Variants in FBXL7 observed in about 807,000 individuals in gnomAD.
FBXL7 encodes the protein F-box/LRR-repeat protein 7.
Under a neutral mutation model 38.3 loss-of-function variants are expected in FBXL7, and 12 were observed. That is an observed-to-expected ratio of 0.31 (90% CI 0.20 to 0.51). The LOEUF (loss-of-function observed/expected upper bound fraction) is 0.51. Among genes scored for constraint, FBXL7 ranks in the 20% least tolerant of loss-of-function variants. The pLI is 0.98. For missense variants in FBXL7, 567 were observed against 676.4 expected, an observed-to-expected ratio of 0.84 and a Z score of 1.79; for synonymous variants, 297 against 300.9, an observed-to-expected ratio of 0.99 and a Z score of 0.13.
At chr5:15,724,537 C>CT (rs536273100) in intron 2 of FBXL7, among the ~76,000 whole-genome samples, 5 of 152,226 alleles carry the variant, frequency 3.3e-5, no homozygotes, top group Admixed American at 6.5e-5. Flanking sequence ...CATGAATTCA[C>CT]TTTTTTTCAC....
intron 1 of FBXL7, among the ~76,000 whole-genome samples, chr5:15,502,125 G>A (rs1307137404): frequency 2.0e-5 from 3 of 152,032 alleles, no homozygotes; most frequent in East Asian, 1.9e-4. Flanking sequence ...AAGCTTTCAG[G>A]ATATAATTGT....
In FBXL7 at chr5:15,769,869, G is replaced by A. The variant is rs184036214; in HGVS notation, c.127+153797G>A. On this transcript the variant is annotated intron_variant, in intron 2 of 3. Transcript: ENST00000504595. Reference sequence around the variant, plus strand: ...CATCATATAATATTTTAACATTTAGGTAAGCAGGCCGAAGGGTATGTGAGA... The same window carrying A: ...CATCATATAATATTTTAACATTTAGATAAGCAGGCCGAAGGGTATGTGAGA... Among the ~76,000 whole-genome samples, 204 of 152,254 alleles carry A rather than the reference G, an allele frequency of 1.3e-3. 5 individuals are homozygous for A. The South Asian group carries it at 0.041, about 30-fold the overall frequency.
intron 2 of FBXL7, among the ~76,000 whole-genome samples, chr5:15,800,579 T>C (rs1382907930): frequency 6.6e-6 from 1 of 152,212 alleles, no homozygotes; most frequent in Non-Finnish European, 1.5e-5. Flanking sequence ...CATTTAATCT[T>C]CAGAACAACC....
At chr5:15,566,792 T>G (rs1318413977) in intron 1 of FBXL7, among the ~76,000 whole-genome samples, 1 of 152,174 alleles carries the variant, frequency 6.6e-6, no homozygotes, top group East Asian at 1.9e-4. Flanking sequence ...GGTCCTACAT[T>G]GTATTTAATG....
chr5:15,764,531 C>T (rs138779596), intron 2 of FBXL7, among the ~76,000 whole-genome samples: 18 of 152,182 alleles, frequency 1.2e-4, no homozygotes, highest in Admixed American at 8.5e-4. Flanking sequence ...CGTGTGTGCC[C>T]GTGATGAGGA....
chr5:15,818,957 G>A (rs1738096321), intron 2 of FBXL7, among the ~76,000 whole-genome samples: 4 of 152,192 alleles, frequency 2.6e-5, no homozygotes, highest in Non-Finnish European at 5.9e-5. Context: ...ACAATCATGA[G>A]TGTATCCTCT....
intron 2 of FBXL7, among the ~76,000 whole-genome samples, chr5:15,841,090 TGTAGA>T (rs1431286324): frequency 2.6e-5 from 4 of 152,148 alleles, no homozygotes; most frequent in African/African-American, 7.2e-5. Context: ...AATTTTTTTG[TGTAGA>T]GTAATGACAT....
intron 2 of FBXL7, among the ~76,000 whole-genome samples, chr5:15,766,759 TTC>T (rs377534981): frequency 1.1e-3 from 162 of 152,360 alleles, no homozygotes; most frequent in African/African-American, 3.7e-3. Context: ...ATTTTGATTT[TTC>T]TCTGTCTTCA....
At chr5:15,742,201 T>C (rs774238751) in intron 2 of FBXL7, among the ~76,000 whole-genome samples, 1 of 152,188 alleles carries the variant, frequency 6.6e-6, no homozygotes, top group Non-Finnish European at 1.5e-5. Context: ...AATCAAAATC[T>C]GAAAAGCACT....
intron 2 of FBXL7, among the ~76,000 whole-genome samples, chr5:15,906,663 C>G (rs1741376654): frequency 9.7e-6 from 1 of 103,040 alleles, no homozygotes; most frequent in Non-Finnish European, 1.9e-5. Flanking sequence ...CTATCCCTCC[C>G]CCCTCCCCCG....
chr5:15,719,046 T>C (rs1335701661), intron 2 of FBXL7, among the ~76,000 whole-genome samples: 1 of 152,212 alleles, frequency 6.6e-6, no homozygotes, highest in Non-Finnish European at 1.5e-5. Flanking sequence ...CTCAAACCAG[T>C]GTACTACCAA....
chr5:15,653,674 T>C (rs966273579), intron 2 of FBXL7, among the ~76,000 whole-genome samples: 2 of 152,154 alleles, frequency 1.3e-5, no homozygotes, highest in African/African-American at 4.8e-5. Flanking sequence ...AAAGACAATA[T>C]GTAAAAGCCA....
intron 2 of FBXL7, among the ~76,000 whole-genome samples, chr5:15,733,770 A>G (rs562622334): frequency 3.4e-4 from 52 of 152,344 alleles, no homozygotes; most frequent in African/African-American, 1.2e-3. Context: ...TGTTTTGTAA[A>G]TATTTATTTT....
chr5:15,529,689 A>G (rs1269839698), intron 1 of FBXL7, among the ~76,000 whole-genome samples: 2 of 152,156 alleles, frequency 1.3e-5, no homozygotes, highest in South Asian at 2.1e-4. Flanking sequence ...TGCCCGGCCA[A>G]CCTAACTTCT....
intron 2 of FBXL7, among the ~76,000 whole-genome samples, chr5:15,626,834 C>T (rs1036240924): frequency 1.3e-5 from 2 of 152,054 alleles, no homozygotes; most frequent in Non-Finnish European, 2.9e-5. Flanking sequence ...GTAATGAAAG[C>T]TTGCATCATT....
At chr5:15,791,981 A>G (rs1289532947) in intron 2 of FBXL7, among the ~76,000 whole-genome samples, 3 of 152,262 alleles carry the variant, frequency 2.0e-5, no homozygotes, top group African/African-American at 7.2e-5. Flanking sequence ...AAAAACATCC[A>G]TTTAATACCC....
At chr5:15,737,685 A>G (rs1735791298) in intron 2 of FBXL7, among the ~76,000 whole-genome samples, 1 of 152,200 alleles carries the variant, frequency 6.6e-6, no homozygotes, top group Non-Finnish European at 1.5e-5. Flanking sequence ...ATGTGGCCAC[A>G]CTGTTCAGTA....
chr5:15,926,211 G>A (rs1741872560), intron 2 of FBXL7, among the ~76,000 whole-genome samples: 1 of 151,540 alleles, frequency 6.6e-6, no homozygotes, highest in South Asian at 2.1e-4. Flanking sequence ...ATATAAATAT[G>A]TTAACAGAGA....
At chr5:15,590,924 T>G (rs907326237) in intron 1 of FBXL7, among the ~76,000 whole-genome samples, 1 of 152,218 alleles carries the variant, frequency 6.6e-6, no homozygotes, top group Non-Finnish European at 1.5e-5. Flanking sequence ...TGTCTCTTTT[T>G]CCTTTCTATT....
Sources: allele counts gnomAD v4.1 joint callset (sites outside exome capture counted in the v4.1 genomes callset), GRCh38; gene constraint gnomAD v4.1.1; transcripts MANE v1.5; gene names NCBI Gene and HGNC (gene_info 2026-07-23, HGNC 2026-07-21).